The following DLGAP4 variants were observed in gnomAD, a reference collection of about 807,000 sequenced individuals.
DLGAP4 encodes disks large-associated protein 4.
A neutral mutation model predicts 86.9 loss-of-function variants in DLGAP4; 18 were observed. The ratio of observed to expected loss-of-function variants is 0.21; its 90% CI spans 0.14 to 0.31. The LOEUF (loss-of-function observed/expected upper bound fraction) is 0.31. Ranked by LOEUF, DLGAP4 falls within the 10% of genes least tolerant of loss-of-function variation. DLGAP4 has a pLI of 1.00. For synonymous variants in DLGAP4, 548 were observed against 574.3 expected, an observed-to-expected ratio of 0.95 and a Z score of 0.65; for missense variants, 1,085 against 1,362.6, an observed-to-expected ratio of 0.80 and a Z score of 3.21.
rs929008078 is a variant in DLGAP4, at chr20:36,312,160, G to A, written c.-304+5648G>A. On this transcript the variant is annotated intron_variant, in intron 1 of 12. Transcript: ENST00000339266. The stretch of plus-strand genomic sequence containing the variant: ...AGAGGAGAACTGTGGCCTCTCTCCC[G>A]GCTCCGCTGTGCTTCCCCAGCATGC... Among the ~76,000 whole-genome samples, 258 of 152,256 alleles carry A rather than the reference G, an allele frequency of 1.7e-3. 1 individual carries two copies. Among genetic ancestry groups the A allele is most frequent in the Middle Eastern group, 6.8e-3 (2 of 294 alleles).
chr20:36,404,191 G>T (rs150388556), intron 2 of DLGAP4, among the ~76,000 whole-genome samples: 1 of 152,332 alleles, frequency 6.6e-6, no homozygotes, highest in Non-Finnish European at 1.5e-5. Context: ...AGTGTCAGAT[G>T]TCCACTCTAA....
At chr20:36,439,714 T>C (rs775331263) in intron 4 of DLGAP4, 40 bp from the exon 5 acceptor site, 1 of 1,568,878 alleles carries the variant, frequency 6.4e-7, no homozygotes, top group Non-Finnish European at 8.7e-7. Context: ...GGGTGAACAA[T>C]GGGTGGGCTG....
At chr20:36,446,051 G>C (rs759124477) in intron 6 of DLGAP4, among the ~76,000 whole-genome samples, 8 of 152,222 alleles carry the variant, frequency 5.3e-5, no homozygotes, top group African/African-American at 7.2e-5. Flanking sequence ...GTCCATGGCA[G>C]ACATCATTAA....
chr20:36,402,453 A>G (rs1398852380), intron 2 of DLGAP4, among the ~76,000 whole-genome samples: 1 of 152,198 alleles, frequency 6.6e-6, no homozygotes, highest in African/African-American at 2.4e-5. Context: ...TACTGCTATC[A>G]TCATCATTAC....
At chr20:36,462,400 T>TGAAAAA in intron 7 of DLGAP4, 1 of 1,393,230 alleles carries the variant, frequency 7.2e-7, no homozygotes, top group African/African-American at 1.8e-5. Context: ...ACTCTGTGCC[T>TGAAAAA]CTTGCGCTGA....
chr20:36,522,702 G>A (rs1451135972), intron 10 of DLGAP4, among the ~76,000 whole-genome samples: 4 of 152,112 alleles, frequency 2.6e-5, no homozygotes, highest in African/African-American at 9.7e-5. Context: ...ATTTTTAGTA[G>A]AGACAGGGTT....
At chr20:36,452,826 CTTTTTTT>C (rs1233444372) in intron 7 of DLGAP4, among the ~76,000 whole-genome samples, 3 of 90,782 alleles carry the variant, frequency 3.3e-5, no homozygotes, top group African/African-American at 1.4e-4. Flanking sequence ...TTGTGTAAGT[CTTTTTTT>C]TTTTTTTTTT....
chr20:36,331,121 C>T (rs1374824622), intron 1 of DLGAP4, among the ~76,000 whole-genome samples: 3 of 152,238 alleles, frequency 2.0e-5, no homozygotes, highest in Non-Finnish European at 2.9e-5. Flanking sequence ...TTCCCTGGGC[C>T]TTGGCTTCCT....
chr20:36,438,825 C>A (rs531230025), intron 4 of DLGAP4, among the ~76,000 whole-genome samples: 2 of 151,114 alleles, frequency 1.3e-5, no homozygotes, highest in Non-Finnish European at 2.9e-5. Context: ...TCTCCTGCCT[C>A]AGCCTCCCGA....
Position 36,409,034 on chromosome 20 carries a change from C to CTTTTT in DLGAP4, c.-72-22597_-72-22593dup, listed in dbSNP as rs35210861. Among the ~76,000 whole-genome samples the CTTTTT allele has an allele frequency of 1.2e-3, 135 of 111,166 alleles. 1 individual carries two copies. Among genetic ancestry groups the CTTTTT allele is most frequent in the Admixed American group, 2.3e-3 (22 of 9,368 alleles). The allele number at this position is 111,166 out of a possible 152,430, so 72.9% of individuals were successfully genotyped here. On this transcript the variant is annotated intron_variant, in intron 2 of 12. Coordinates refer to ENST00000339266, the MANE Select transcript of DLGAP4 (RefSeq NM_001365621.2). ...TCTAAAACTATTGCCAAATAAAAGG[C>CTTTTT]TTTTTTTTTTTTTTTTTTTGAGACA...
chr20:36,487,633 G>C (rs1337846673), intron 7 of DLGAP4, among the ~76,000 whole-genome samples: 1 of 152,098 alleles, frequency 6.6e-6, no homozygotes, highest in African/African-American at 2.4e-5. Flanking sequence ...GCTCACAGAG[G>C]GTCCCTTCAC....
At chr20:36,490,066 C>T (rs2035595072) in intron 7 of DLGAP4, among the ~76,000 whole-genome samples, 1 of 151,910 alleles carries the variant, frequency 6.6e-6, no homozygotes, top group African/African-American at 2.4e-5. Context: ...CTGTGTTGGC[C>T]AGGCTGGTCT....
At chr20:36,460,986 G>A (rs1293065545) in intron 7 of DLGAP4, among the ~76,000 whole-genome samples, 1 of 152,210 alleles carries the variant, frequency 6.6e-6, no homozygotes, top group African/African-American at 2.4e-5. Context: ...ATACACCTAG[G>A]GCGCAGAGCA....
chr20:36,417,039 G>A (rs528334388), intron 2 of DLGAP4, among the ~76,000 whole-genome samples: 42 of 152,268 alleles, frequency 2.8e-4, no homozygotes, highest in African/African-American at 7.7e-4. Context: ...CACAGAGCGC[G>A]GGAGGCACTA....
At chr20:36,413,330 A>T (rs1366488070) in intron 2 of DLGAP4, among the ~76,000 whole-genome samples, 1 of 149,352 alleles carries the variant, frequency 6.7e-6, no homozygotes, top group Non-Finnish European at 1.5e-5. Flanking sequence ...CCCATTAAGT[A>T]GTCACTCCCC....
At chr20:36,328,629 TG>T (rs1379720175) in intron 1 of DLGAP4, among the ~76,000 whole-genome samples, 1 of 152,076 alleles carries the variant, frequency 6.6e-6, no homozygotes, top group African/African-American at 2.4e-5. Context: ...TTTTATTGTT[TG>T]TTTTTTTGTT....
At chr20:36,392,995 G>A (rs1456613560) in intron 2 of DLGAP4, among the ~76,000 whole-genome samples, 3 of 151,910 alleles carry the variant, frequency 2.0e-5, no homozygotes, top group Admixed American at 1.3e-4. Context: ...CAGCCAGTAC[G>A]CCCTGAGGCA....
At chr20:36,440,717 C>T (rs2033423036) in intron 5 of DLGAP4, among the ~76,000 whole-genome samples, 2 of 152,014 alleles carry the variant, frequency 1.3e-5, no homozygotes, top group African/African-American at 2.4e-5. Flanking sequence ...TTAGGGTTTG[C>T]AAAGGGAGAA....
intron 2 of DLGAP4, among the ~76,000 whole-genome samples, chr20:36,389,113 G>A (rs1051531125): frequency 6.6e-6 from 1 of 152,200 alleles, no homozygotes; most frequent in African/African-American, 2.4e-5. Flanking sequence ...GACATGACAA[G>A]TTGGCGATGC....
Sources: allele counts gnomAD v4.1 joint callset (sites outside exome capture counted in the v4.1 genomes callset), GRCh38; gene constraint gnomAD v4.1.1; transcripts MANE v1.5; gene names NCBI Gene and HGNC (gene_info 2026-07-23, HGNC 2026-07-21).